CASR: variants seen among roughly 807,000 people sequenced by gnomAD.
CASR encodes the protein calcium sensing receptor.
In CASR, 23 loss-of-function variants were observed where a neutral mutation model predicts 69.1. The ratio of observed to expected loss-of-function variants is 0.33; its 90% CI spans 0.24 to 0.47. CASR has a LOEUF of 0.47. CASR is among the 20% of genes least tolerant of loss of function. The pLI is 1.00. For synonymous variants in CASR, 541 were observed against 544.7 expected, an observed-to-expected ratio of 0.99 and a Z score of 0.10; for missense variants, 924 against 1,356.1, an observed-to-expected ratio of 0.68 and a Z score of 5.00.
chr3:122,282,282 G>A (rs202141993), intron 6 of CASR, 46 bp downstream of exon 6: 115 of 1,596,948 alleles, frequency 7.2e-5, no homozygotes, highest in Non-Finnish European at 9.4e-5. Context: ...GGTCCACTTC[G>A]GAGGCCTGGG....
At chr3:122,200,333 A>G (rs1204229407) in intron 1 of CASR, among the ~76,000 whole-genome samples, 1 of 152,234 alleles carries the variant, frequency 6.6e-6, no homozygotes, top group Non-Finnish European at 1.5e-5. Context: ...ACAGTACCCC[A>G]TAAAATGTAT....
chr3:122,277,071 T>TG lies in CASR; in HGVS notation c.1608+1033dup, dbSNP rs368785943. Among the ~76,000 whole-genome samples the TG allele has an allele frequency of 6.4e-3, 930 of 144,748 alleles. 10 individuals carry two copies. Among genetic ancestry groups the TG allele is most frequent in the African/African-American group, 0.022 (882 of 39,338 alleles). The allele number at this position is 144,748 out of a possible 152,430, so 95.0% of individuals were successfully genotyped here. A position where few individuals can be genotyped will look rare whatever the true frequency, so the allele number is the denominator to read the frequency against. Reference sequence around the variant, plus strand: ...TTCTTTTTTTTTTTTTTTTTTGAGATGGGGTCTGGCTCTGTTGCCTAGGCT... The same window carrying TG: ...TTCTTTTTTTTTTTTTTTTTTGAGATGGGGGTCTGGCTCTGTTGCCTAGGCT... On this transcript the variant is annotated intron_variant, in intron 5 of 6. Transcript: ENST00000639785.
intron 1 of CASR, among the ~76,000 whole-genome samples, chr3:122,211,996 T>C (rs1288517088): frequency 6.6e-6 from 1 of 152,180 alleles, no homozygotes; most frequent in Admixed American, 6.5e-5. Context: ...TGGAAGACAG[T>C]GTGGCATCCC....
chr3:122,185,256 C>G (rs920559537), intron 1 of CASR, among the ~76,000 whole-genome samples: 1 of 152,126 alleles, frequency 6.6e-6, no homozygotes, highest in Admixed American at 6.5e-5. Context: ...CTTTCTACAC[C>G]CATAGCCTTT....
At chr3:122,189,167 T>A (rs1298629190) in intron 1 of CASR, among the ~76,000 whole-genome samples, 1 of 152,148 alleles carries the variant, frequency 6.6e-6, no homozygotes, top group Admixed American at 6.5e-5. Flanking sequence ...CCGTGGACAG[T>A]CTAGTTTGGT....
chr3:122,270,147 G>GA (rs1311926284), intron 4 of CASR, among the ~76,000 whole-genome samples: 1 of 152,100 alleles, frequency 6.6e-6, no homozygotes, highest in Non-Finnish European at 1.5e-5. Flanking sequence ...TGGCCTGTGG[G>GA]AAAATTTTGA....
chr3:122,290,587 AC>A lies in CASR; in HGVS notation c.*5397del, dbSNP rs2075004728. 6.6e-6 allele frequency: 1 copy of A among 152,212 alleles called. No homozygotes were observed. Among genetic ancestry groups the A allele is most frequent in the Non-Finnish European group, 1.5e-5 (1 of 68,026 alleles). 9.4% of individuals were successfully genotyped at this position (152,212 alleles called of 1,614,324 possible). On this transcript the variant is annotated 3_prime_UTR_variant, in exon 7 of 7. Transcript: ENST00000639785. Reference sequence around the variant, plus strand: ...GTTCTAAATTTTTCCCAAGTTTTGTACATTAAGCACAAAATTATAACAGGAA... The same window carrying A: ...GTTCTAAATTTTTCCCAAGTTTTGTAATTAAGCACAAAATTATAACAGGAA...
intron 1 of CASR, among the ~76,000 whole-genome samples, chr3:122,194,981 T>G (rs2073874452): frequency 8.8e-6 from 1 of 113,802 alleles, no homozygotes; most frequent in African/African-American, 3.3e-5. Flanking sequence ...TCTTCTTACT[T>G]TTTCCTCCTC....
At chr3:122,194,287 C>T (rs2073867318) in intron 1 of CASR, among the ~76,000 whole-genome samples, 1 of 152,152 alleles carries the variant, frequency 6.6e-6, no homozygotes, top group Non-Finnish European at 1.5e-5. Flanking sequence ...ATCATATATG[C>T]ATTTGGTTTT....
chr3:122,255,499 C>T (rs2074545245), intron 2 of CASR, among the ~76,000 whole-genome samples: 1 of 152,232 alleles, frequency 6.6e-6, no homozygotes, highest in South Asian at 2.1e-4. Context: ...CAGAATCGCA[C>T]TGATGCTGAT....
chr3:122,240,656 C>T (rs1052937334), intron 1 of CASR, among the ~76,000 whole-genome samples: 4 of 152,176 alleles, frequency 2.6e-5, no homozygotes, highest in African/African-American at 9.7e-5. Context: ...AAACATCAGA[C>T]TTAATCTGCA....
intron 1 of CASR, among the ~76,000 whole-genome samples, chr3:122,210,237 G>C (rs1422237652): frequency 1.3e-5 from 2 of 152,086 alleles, no homozygotes; most frequent in African/African-American, 4.8e-5. Context: ...GTTCTGGCCA[G>C]GGCAATCAGG....
At chr3:122,266,053 G>C (rs142792824) in intron 4 of CASR, among the ~76,000 whole-genome samples, 1 of 152,112 alleles carries the variant, frequency 6.6e-6, no homozygotes, top group African/African-American at 2.4e-5. Flanking sequence ...TCATTATCTT[G>C]TTCATTATCT....
chr3:122,198,888 G>T (rs1489627504), intron 1 of CASR, among the ~76,000 whole-genome samples: 3 of 151,912 alleles, frequency 2.0e-5, no homozygotes, highest in Non-Finnish European at 2.9e-5. Context: ...ATGGACACCT[G>T]TATTCCCAAA....
chr3:122,248,544 G>GT (rs1250966142), intron 1 of CASR, among the ~76,000 whole-genome samples: 1 of 151,804 alleles, frequency 6.6e-6, no homozygotes, highest in Non-Finnish European at 1.5e-5. Context: ...CTCACGTTAT[G>GT]GAGATAAATT....
At chr3:122,185,246 C>T (rs1053393644) in intron 1 of CASR, among the ~76,000 whole-genome samples, 1 of 152,192 alleles carries the variant, frequency 6.6e-6, no homozygotes, top group South Asian at 2.1e-4. Flanking sequence ...TTGCTGTCTC[C>T]TTTCTACACC....
chr3:122,284,526 T>G lies in CASR; in HGVS notation c.2572T>G (p.Tyr858Asp), dbSNP rs754388450. 9.3e-6 allele frequency: 15 copies of G among 1,613,642 alleles called. No homozygotes were observed. The highest frequency in any genetic ancestry group is 1.3e-5 in the Non-Finnish European group (15 of 1,180,046). The stretch of plus-strand genomic sequence containing the variant: ...GGCGTGCATCTTCTTCAACAAGATC[T>G]ACATCATTCTCTTCAAGCCATCCCG... ...LLACIFFNKI[Y>D]IILFKPSRNT... The change falls in exon 7 of 7, where the codon TAC becomes GAC. Residue 858 changes from tyrosine (Y) to aspartate (D), a missense_variant. Physicochemically the swap from Tyr to Asp is radical, Grantham distance 160. Coordinates refer to ENST00000639785, the MANE Select transcript of CASR (RefSeq NM_000388.4).
intron 1 of CASR, among the ~76,000 whole-genome samples, chr3:122,223,656 T>C (rs569936819): frequency 9.2e-5 from 14 of 152,222 alleles, no homozygotes; most frequent in Non-Finnish European, 1.8e-4. Context: ...TTCCAAAAAA[T>C]TGAGGAGGAG....
chr3:122,270,420 A>G (rs750653046), intron 4 of CASR, among the ~76,000 whole-genome samples: 7 of 152,302 alleles, frequency 4.6e-5, no homozygotes, highest in Admixed American at 6.5e-5. Flanking sequence ...CTAGAGATCC[A>G]TCAACTTTAT....
Sources: allele counts gnomAD v4.1 joint callset (sites outside exome capture counted in the v4.1 genomes callset), GRCh38; gene constraint gnomAD v4.1.1; transcripts MANE v1.5; gene names NCBI Gene and HGNC (gene_info 2026-07-23, HGNC 2026-07-21).